Variants in RNLS observed in about 807,000 individuals in gnomAD.
The protein encoded by RNLS is renalase.
Under a neutral mutation model 39.8 loss-of-function variants are expected in RNLS, and 39 were observed. The observed-to-expected ratio is 0.98, with a 90% CI of 0.76 to 1.28. RNLS has a LOEUF of 1.28. Ranked by LOEUF, RNLS falls within the 50% of genes most tolerant of loss-of-function variation. The pLI, the probability that RNLS is intolerant of heterozygous loss-of-function variation, is 0.00. For synonymous variants in RNLS, 147 were observed against 150.7 expected (o/e 0.98, Z 0.18); for missense variants, 410 against 413.3 (o/e 0.99, Z 0.07).
At chr10:88,287,324 A>G (rs1476843572) in intron 6 of RNLS, among the ~76,000 whole-genome samples, 1 of 152,124 alleles carries the variant, frequency 6.6e-6, no homozygotes, top group East Asian at 1.9e-4. Flanking sequence ...ATAGCTGATA[A>G]TCTTGAAATC....
chr10:88,215,655 T>C, the RNLS span, among the ~76,000 whole-genome samples: 1 of 151,934 alleles, frequency 6.6e-6, no homozygotes, highest in African/African-American at 2.4e-5. Context: ...AGACCATTCA[T>C]TATCTGTTAG....
chr10:88,495,414 C>T (rs1326661221), intron 4 of RNLS, among the ~76,000 whole-genome samples: 1 of 152,068 alleles, frequency 6.6e-6, no homozygotes, highest in Non-Finnish European at 1.5e-5. Flanking sequence ...GTCTATAACT[C>T]TTATGGCAAA....
chr10:88,317,727 T>C (rs1295948231), intron 5 of RNLS, among the ~76,000 whole-genome samples: 1 of 152,176 alleles, frequency 6.6e-6, no homozygotes, highest in African/African-American at 2.4e-5. Context: ...TTCAGAAAGA[T>C]CAAAGTTATC....
At chr10:88,302,386 T>G (rs1327281681) in intron 6 of RNLS, among the ~76,000 whole-genome samples, 2 of 152,222 alleles carry the variant, frequency 1.3e-5, no homozygotes, top group African/African-American at 4.8e-5. Context: ...TTCAAAGTAC[T>G]TATCTTAGAA....
chr10:88,514,611 T>C (rs1846310983), intron 4 of RNLS, among the ~76,000 whole-genome samples: 1 of 152,114 alleles, frequency 6.6e-6, no homozygotes, highest in African/African-American at 2.4e-5. Context: ...TTCTACTCTC[T>C]GTTTTCTTGC....
intron 6 of RNLS, among the ~76,000 whole-genome samples, chr10:88,276,060 TAACAA>T (rs949743182): frequency 5.9e-5 from 9 of 151,886 alleles, no homozygotes; most frequent in African/African-American, 1.4e-4. Flanking sequence ...TCTCTAAAAA[TAACAA>T]AACAAAACAA....
chr10:88,285,651 C>T, intron 6 of RNLS, 145 bp from the exon 7 acceptor site: 1 of 682,326 alleles, frequency 1.5e-6, no homozygotes, highest in Non-Finnish European at 2.5e-6. Context: ...AATGCACACA[C>T]AAGAAACAAA....
At chr10:88,386,415 T>A (rs1368566948) in intron 4 of RNLS, among the ~76,000 whole-genome samples, 2 of 152,258 alleles carry the variant, frequency 1.3e-5, no homozygotes, top group Non-Finnish European at 1.5e-5. Flanking sequence ...ATTAAGCTTT[T>A]CTAAGCCGTC....
intron 4 of RNLS, among the ~76,000 whole-genome samples, chr10:88,488,875 T>C (rs1006291375): frequency 3.9e-5 from 6 of 152,176 alleles, no homozygotes; most frequent in African/African-American, 1.4e-4. Context: ...TAAAATGAAA[T>C]GTATGCATCT....
intron 4 of RNLS, among the ~76,000 whole-genome samples, chr10:88,478,836 CT>C (rs954550024): frequency 3.9e-5 from 6 of 152,060 alleles, no homozygotes; most frequent in Admixed American, 2.0e-4. Context: ...ACTAATTTAC[CT>C]TTTTTTCTTT....
At chr10:88,433,812 T>G (rs1855280646) in intron 4 of RNLS, among the ~76,000 whole-genome samples, 1 of 152,146 alleles carries the variant, frequency 6.6e-6, no homozygotes, top group Non-Finnish European at 1.5e-5. Context: ...ACTCTTCCAC[T>G]GAGAGTAAAA....
intron 4 of RNLS, among the ~76,000 whole-genome samples, chr10:88,388,367 C>T (rs1243223185): frequency 1.3e-5 from 2 of 152,206 alleles, no homozygotes; most frequent in East Asian, 1.9e-4. Flanking sequence ...GCTCTTGCCT[C>T]CTTCCCTTGA....
chr10:88,350,637 G>C (rs1848624514), intron 5 of RNLS, among the ~76,000 whole-genome samples: 1 of 152,128 alleles, frequency 6.6e-6, no homozygotes, highest in African/African-American at 2.4e-5. Context: ...ATCATTGTTG[G>C]ACATTCGGGT....
chr10:88,575,489 C>T (rs774959618), intron 3 of RNLS, among the ~76,000 whole-genome samples: 18 of 151,748 alleles, frequency 1.2e-4, no homozygotes, highest in Admixed American at 7.2e-4. Flanking sequence ...TAGGTGGACA[C>T]GCCCAAATCA....
chr10:88,301,821 G>C (rs1434985863), intron 6 of RNLS, among the ~76,000 whole-genome samples: 3 of 152,090 alleles, frequency 2.0e-5, no homozygotes, highest in Non-Finnish European at 2.9e-5. Context: ...ACAGAGAGAA[G>C]AGAAAAGAGA....
At chr10:88,233,936 G>A in the RNLS span, among the ~76,000 whole-genome samples, 2 of 151,320 alleles carry the variant, frequency 1.3e-5, no homozygotes, top group Non-Finnish European at 2.9e-5. Flanking sequence ...AATGTCTTGA[G>A]GGTTTGGGGG....
chr10:88,396,872 C>G (rs1176927918), intron 4 of RNLS, among the ~76,000 whole-genome samples: 1 of 151,508 alleles, frequency 6.6e-6, no homozygotes, highest in African/African-American at 2.4e-5. Context: ...AGAAAAAATC[C>G]CTTACTAGAG....
intron 4 of RNLS, among the ~76,000 whole-genome samples, chr10:88,404,481 C>T (rs927311416): frequency 1.3e-5 from 2 of 151,972 alleles, no homozygotes; most frequent in African/African-American, 4.8e-5. Context: ...ATTTTCCTAA[C>T]GTCAAATAGG....
chr10:88,341,017 C>A (rs1468535495), intron 5 of RNLS, among the ~76,000 whole-genome samples: 1 of 145,778 alleles, frequency 6.9e-6, no homozygotes, highest in East Asian at 2.0e-4. Flanking sequence ...CAAGATCGTG[C>A]CACTGCACTC....
Sources: allele counts gnomAD v4.1 joint callset (sites outside exome capture counted in the v4.1 genomes callset), GRCh38; gene constraint gnomAD v4.1.1; transcripts MANE v1.5; gene names NCBI Gene and HGNC (gene_info 2026-07-23, HGNC 2026-07-21).